Variants in ITPK1 observed in about 807,000 individuals in gnomAD.
The protein encoded by ITPK1 is inositol-tetrakisphosphate 1-kinase, also known as inositol 1,3,4-trisphosphate 5/6-kinase.
In ITPK1, 21 loss-of-function variants were observed where a neutral mutation model predicts 45.3. The ratio of observed to expected loss-of-function variants is 0.46; its 90% confidence interval spans 0.33 to 0.67. The LOEUF (loss-of-function observed/expected upper bound fraction) is 0.67, where lower values mean the gene tolerates loss of function less well. Ranked by LOEUF, ITPK1 falls within the 30% of genes least tolerant of loss-of-function variation. ITPK1 has a pLI of 0.02. For missense variants in ITPK1, 474 were observed against 573.5 expected, an observed-to-expected ratio of 0.83 and a Z score of 1.77; for synonymous variants, 258 against 253.6, an observed-to-expected ratio of 1.02 and a Z score of -0.16.
chr14:93,033,813 G>A (rs1889182510), intron 3 of ITPK1, among the ~76,000 whole-genome samples: 1 of 152,192 alleles, frequency 6.6e-6, no homozygotes, highest in Non-Finnish European at 1.5e-5. Flanking sequence ...GTGGGTGTGT[G>A]GTGGGGCACA....
intron 5 of ITPK1, among the ~76,000 whole-genome samples, chr14:92,984,508 T>C (rs1262988437): frequency 6.6e-6 from 1 of 152,234 alleles, no homozygotes; most frequent in Non-Finnish European, 1.5e-5. Flanking sequence ...TTTTATAGAA[T>C]ATGAAGTATC....
At chr14:93,003,302 C>A (rs1887442033) in intron 4 of ITPK1, among the ~76,000 whole-genome samples, 1 of 152,194 alleles carries the variant, frequency 6.6e-6, no homozygotes, top group Admixed American at 6.5e-5. Flanking sequence ...AGTAATGAAC[C>A]CTCTTGGCAG....
intron 5 of ITPK1, among the ~76,000 whole-genome samples, chr14:92,993,095 G>A (rs932269631): frequency 4.6e-5 from 7 of 152,236 alleles, no homozygotes; most frequent in African/African-American, 1.7e-4. Context: ...AGGCAGCCAG[G>A]TTAGGCCTCA....
At chr14:93,081,957 G>A (rs1480666602) in intron 2 of ITPK1, among the ~76,000 whole-genome samples, 2 of 152,186 alleles carry the variant, frequency 1.3e-5, no homozygotes, top group Non-Finnish European at 2.9e-5. Context: ...CCCACCCTGA[G>A]GCCTCTGATC....
Position 93,016,659 on chromosome 14 carries a change from G to C in ITPK1, c.246+17C>G, listed in dbSNP as rs191787528. The stretch of plus-strand genomic sequence containing the variant: ...CCTGAAAATGCCACAGCCAAGGGCT[G>C]CATGGTCCTCACTCACCTGGAACCT... On this transcript the variant is annotated intron_variant, in intron 4 of 10. Coordinates refer to ENST00000267615, the MANE Select transcript of ITPK1 (RefSeq NM_014216.6). This position sits in a 1 kb window ranked among gnomAD's most constrained non-coding sequence, Gnocchi z 5.0. The C allele has an allele frequency of 3.1e-6, 5 of 1,613,356 alleles. No individual in the cohort carries two copies. Among genetic ancestry groups the C allele is most frequent in the Non-Finnish European group, 8.5e-7 (1 of 1,179,590 alleles).
chr14:93,052,466 T>C (rs1262984797), intron 3 of ITPK1, among the ~76,000 whole-genome samples: 1 of 152,208 alleles, frequency 6.6e-6, no homozygotes, highest in African/African-American at 2.4e-5. Flanking sequence ...TAAGTCTCGA[T>C]ACCAGGCCCT....
chr14:92,939,552 C>G lies in ITPK1; in HGVS notation c.*2009G>C. ...GAAGCAAATCTCCATCCTCCATCTC[C>G]ACTCTTGGAAAATGCAGCTGCCCTG... On this transcript the variant is annotated 3_prime_UTR_variant, in exon 11 of 11. Transcript: ENST00000267615. 1 of 377,826 alleles carries G rather than the reference C, an allele frequency of 2.6e-6. No homozygotes were observed. Among genetic ancestry groups the G allele is most frequent in the Non-Finnish European group, 3.6e-6 (1 of 274,754 alleles). 23.4% of individuals were successfully genotyped at this position (377,826 alleles called of 1,614,324 possible). A position where few individuals can be genotyped will look rare whatever the true frequency, so the allele number is the denominator to read the frequency against.
At position 93,115,171 on chromosome 14, in the gene ITPK1, C is replaced by T; in HGVS notation, c.-8G>A. On this transcript the variant is annotated 5_prime_UTR_variant, in exon 2 of 11. Coordinates refer to ENST00000267615, the MANE Select transcript of ITPK1 (RefSeq NM_014216.6). ...TTTCAGAAAGGTCTGCATCTTCCTC[C>T]TCGGGCGGGGAGCCTGGGTCCGGAG... 1 of 1,595,830 alleles carries T rather than the reference C, an allele frequency of 6.3e-7. No individual in the cohort carries two copies. The highest frequency in any genetic ancestry group is 8.6e-7 in the Non-Finnish European group (1 of 1,168,768).
chr14:92,939,833 T>C lies in ITPK1; in HGVS notation c.*1728A>G, dbSNP rs1887270293. On this transcript the variant is annotated 3_prime_UTR_variant, in exon 11 of 11. Coordinates refer to ENST00000267615, the MANE Select transcript of ITPK1 (RefSeq NM_014216.6). Reference sequence around the variant, plus strand: ...GGACTGGGAGTATGACATAACAAACTTGAGCAACATGTGTAAACACGTGTG... The same window carrying C: ...GGACTGGGAGTATGACATAACAAACCTGAGCAACATGTGTAAACACGTGTG... 2.0e-6 allele frequency: 2 copies of C among 985,808 alleles called. No homozygotes were observed. Among genetic ancestry groups the C allele is most frequent in the East Asian group, 1.1e-4 (1 of 8,818 alleles). The allele number at this position is 985,808 out of a possible 1,614,324, so 61.1% of individuals were successfully genotyped here.
intron 5 of ITPK1, among the ~76,000 whole-genome samples, chr14:92,988,415 A>G (rs1595114078): frequency 6.6e-6 from 1 of 152,170 alleles, no homozygotes; most frequent in Non-Finnish European, 1.5e-5. Flanking sequence ...CAGCCCCCCG[A>G]GGGGCTAAGA....
At chr14:93,001,825 C>T (rs563881122) in intron 4 of ITPK1, among the ~76,000 whole-genome samples, 1 of 152,350 alleles carries the variant, frequency 6.6e-6, no homozygotes. Flanking sequence ...CTGAGGGCCA[C>T]AAGGCCTGGC....
chr14:93,076,760 TC>T lies in ITPK1; in HGVS notation c.96-142del. ...GGCAGCTGCGCCTCTCCTGCTACTGTCCCAGAACAGCCATGCCTTCCACTCC... is the reference window on the plus strand; with the variant it reads ...GGCAGCTGCGCCTCTCCTGCTACTGTCCAGAACAGCCATGCCTTCCACTCC... On this transcript the variant is annotated intron_variant, in intron 2 of 10. Coordinates refer to ENST00000267615, the MANE Select transcript of ITPK1 (RefSeq NM_014216.6). This position sits in a 1 kb window ranked among gnomAD's most constrained non-coding sequence, Gnocchi z 4.3. 1.1e-6 allele frequency: 1 copy of T among 911,558 alleles called. No homozygotes were observed. Among genetic ancestry groups the T allele is most frequent in the Non-Finnish European group, 1.8e-6 (1 of 569,346 alleles). 56.5% of individuals were successfully genotyped at this position (911,558 alleles called of 1,614,324 possible). A position where few individuals can be genotyped will look rare whatever the true frequency, so the allele number is the denominator to read the frequency against.
At position 93,014,904 on chromosome 14, in the gene ITPK1, C is replaced by T. The variant is rs767475778; in HGVS notation, c.246+1772G>A. Among the ~76,000 whole-genome samples the T allele has an allele frequency of 1.8e-4, 27 of 152,192 alleles. No individual in the cohort carries two copies. Among genetic ancestry groups the T allele is most frequent in the Non-Finnish European group, 2.9e-4 (20 of 68,046 alleles). On this transcript the variant is annotated intron_variant, in intron 4 of 10. Transcript: ENST00000267615. The surrounding 1 kb of genome is among the most constrained non-coding windows in gnomAD (Gnocchi z 4.4). ...ATCAGGCATCTGGAAGGCCATCGTC[C>T]CCCAGATGGACTCAGCAAGAGATGC...
chr14:93,001,773 T>C (rs1887366834), intron 4 of ITPK1, among the ~76,000 whole-genome samples: 1 of 152,094 alleles, frequency 6.6e-6, no homozygotes, highest in Non-Finnish European at 1.5e-5. Flanking sequence ...CTCAGCACAA[T>C]TTCACTCCCC....
chr14:93,029,148 C>T (rs1021490169), intron 3 of ITPK1, among the ~76,000 whole-genome samples: 11 of 152,290 alleles, frequency 7.2e-5, no homozygotes, highest in Admixed American at 5.2e-4. Context: ...TAACCACCCT[C>T]CAAGGACATG....
At chr14:92,965,876 G>A (rs1220363623) in intron 5 of ITPK1, among the ~76,000 whole-genome samples, 20 of 152,110 alleles carry the variant, frequency 1.3e-4, no homozygotes, top group South Asian at 4.1e-4. Context: ...GGTGGTGCAC[G>A]CCTGTAATCC....
At chr14:93,099,784 C>A (rs1488280146) in intron 2 of ITPK1, among the ~76,000 whole-genome samples, 1 of 152,126 alleles carries the variant, frequency 6.6e-6, no homozygotes, top group Non-Finnish European at 1.5e-5. Context: ...ATTCTGGAAC[C>A]CCAAGCAGAG....
At chr14:92,986,706 G>C (rs1010870908) in intron 5 of ITPK1, among the ~76,000 whole-genome samples, 3 of 152,166 alleles carry the variant, frequency 2.0e-5, no homozygotes, top group Non-Finnish European at 4.4e-5. Context: ...TTCTTGTTTT[G>C]CTGGGGAGCG....
chr14:93,025,853 G>T (rs1000487523), intron 3 of ITPK1, among the ~76,000 whole-genome samples: 3 of 152,066 alleles, frequency 2.0e-5, no homozygotes, highest in African/African-American at 7.3e-5. Context: ...TGGGTGTGGT[G>T]GCTCATGCCT....
Sources: gnomAD v4.1 joint callset for allele counts (sites outside exome capture counted in the v4.1 genomes callset) on GRCh38, gnomAD v4.1.1 for gene constraint, Gnocchi (gnomAD v3.1) non-coding constraint, MANE v1.5 for transcripts, NCBI Gene and HGNC (gene_info 2026-07-23, HGNC 2026-07-21) for gene names.